Variants in NSMCE2 observed in about 807,000 individuals in gnomAD.
NSMCE2 encodes E3 SUMO-protein ligase NSE2.
In NSMCE2, 24 loss-of-function variants were observed where a neutral mutation model predicts 23.8. The ratio of observed to expected loss-of-function variants is 1.01; its 90% CI spans 0.73 to 1.42. The LOEUF (loss-of-function observed/expected upper bound fraction) is 1.42. Among genes scored for constraint, NSMCE2 ranks in the 40% most tolerant of loss-of-function variants. The pLI is 0.00. For synonymous variants in NSMCE2, 92 were observed against 94.1 expected, an observed-to-expected ratio of 0.98 and a Z score of 0.13; for missense variants, 284 against 296.5, an observed-to-expected ratio of 0.96 and a Z score of 0.31.
chr8:125,345,245 T>C (rs1318076329), intron 5 of NSMCE2, among the ~76,000 whole-genome samples: 1 of 151,890 alleles, frequency 6.6e-6, no homozygotes, highest in East Asian at 1.9e-4. Context: ...GTCTTTCTTT[T>C]TGGTAATTTG....
intron 5 of NSMCE2, among the ~76,000 whole-genome samples, chr8:125,279,957 C>T (rs544663493): frequency 5.3e-5 from 8 of 152,162 alleles, no homozygotes; most frequent in Middle Eastern, 3.2e-3. Context: ...GTGTGAACCA[C>T]GTAACAATGT....
At chr8:125,187,745 T>C (rs1485274239) in intron 5 of NSMCE2, among the ~76,000 whole-genome samples, 2 of 152,122 alleles carry the variant, frequency 1.3e-5, no homozygotes, top group Non-Finnish European at 1.5e-5. Context: ...TTAGAAACTT[T>C]CAAAATATAA....
chr8:125,140,094 A>C (rs1820282293), intron 3 of NSMCE2, among the ~76,000 whole-genome samples: 1 of 152,240 alleles, frequency 6.6e-6, no homozygotes, highest in Non-Finnish European at 1.5e-5. Flanking sequence ...GCATTTGGGA[A>C]TTGGAGATAC....
intron 4 of NSMCE2, among the ~76,000 whole-genome samples, chr8:125,176,236 A>T (rs760185432): frequency 1.3e-5 from 2 of 152,206 alleles, no homozygotes; most frequent in Non-Finnish European, 2.9e-5. Context: ...GCCTTTGCGC[A>T]TATGTCTGCT....
intron 7 of NSMCE2, among the ~76,000 whole-genome samples, chr8:125,359,443 C>T (rs1813434356): frequency 6.7e-6 from 1 of 149,142 alleles, no homozygotes; most frequent in African/African-American, 2.5e-5. Context: ...AAGTGATTCT[C>T]CTGCCTCAGC....
At chr8:125,126,058 C>G (rs1207688028) in intron 3 of NSMCE2, among the ~76,000 whole-genome samples, 1 of 152,098 alleles carries the variant, frequency 6.6e-6, no homozygotes, top group Non-Finnish European at 1.5e-5. Flanking sequence ...GGGTTTTGTT[C>G]ATTATACAAA....
At position 125,102,321 on chromosome 8, in the gene NSMCE2, T is replaced by C; in HGVS notation, c.-10T>C. On this transcript the variant is annotated 5_prime_UTR_variant, in exon 3 of 8. Transcript: ENST00000287437. ...TCATTGTGTTTGAAAACTTAGGTAC[T>C]AATTTCAAGATGCCAGGACGTTCCA... is the stretch of plus-strand genomic sequence containing the variant. 1 of 1,609,194 alleles carries C rather than the reference T, an allele frequency of 6.2e-7. No homozygotes were observed. The highest frequency in any genetic ancestry group is 1.1e-5 in the South Asian group (1 of 90,842).
intron 5 of NSMCE2, among the ~76,000 whole-genome samples, chr8:125,300,688 A>G (rs1257210934): frequency 6.6e-6 from 1 of 152,228 alleles, no homozygotes; most frequent in Non-Finnish European, 1.5e-5. Context: ...GGTGGTCTCA[A>G]TAAAGTTCAG....
At chr8:125,153,964 A>G (rs561146540) in intron 4 of NSMCE2, among the ~76,000 whole-genome samples, 45 of 152,284 alleles carry the variant, frequency 3.0e-4, no homozygotes, top group Non-Finnish European at 5.6e-4. Flanking sequence ...GTCATATAGG[A>G]TTAAGTATAG....
intron 5 of NSMCE2, among the ~76,000 whole-genome samples, chr8:125,266,784 G>T (rs985301963): frequency 1.3e-5 from 2 of 152,070 alleles, no homozygotes; most frequent in African/African-American, 4.8e-5. Context: ...GTGTTTCCTT[G>T]CAATTCAGGC....
chr8:125,247,657 A>G (rs1826043857), intron 5 of NSMCE2, among the ~76,000 whole-genome samples: 1 of 151,834 alleles, frequency 6.6e-6, no homozygotes, highest in Admixed American at 6.6e-5. Flanking sequence ...CCCAGGAGGC[A>G]GAGGTTGCAG....
intron 5 of NSMCE2, among the ~76,000 whole-genome samples, chr8:125,337,755 C>G (rs561518129): frequency 2.6e-5 from 4 of 151,970 alleles, no homozygotes; most frequent in South Asian, 4.1e-4. Flanking sequence ...ATTAGCCGGG[C>G]GTGGTGGCAC....
At chr8:125,224,677 A>G (rs867674367) in intron 5 of NSMCE2, among the ~76,000 whole-genome samples, 1 of 152,284 alleles carries the variant, frequency 6.6e-6, no homozygotes, top group African/African-American at 2.4e-5. Flanking sequence ...TAACAATTTT[A>G]ACTAATATCG....
intron 4 of NSMCE2, among the ~76,000 whole-genome samples, chr8:125,176,908 C>T (rs1822526940): frequency 6.6e-6 from 1 of 152,194 alleles, no homozygotes; most frequent in Non-Finnish European, 1.5e-5. Flanking sequence ...TTGGCCTGCA[C>T]TTATTGTGAG....
At chr8:125,285,992 T>C (rs1340858786) in intron 5 of NSMCE2, among the ~76,000 whole-genome samples, 2 of 151,876 alleles carry the variant, frequency 1.3e-5, no homozygotes, top group Non-Finnish European at 2.9e-5. Context: ...AATCCCATTT[T>C]TACAGCCTCC....
At chr8:125,130,620 C>T (rs2130559692) in intron 3 of NSMCE2, among the ~76,000 whole-genome samples, 1 of 152,242 alleles carries the variant, frequency 6.6e-6, no homozygotes, top group Non-Finnish European at 1.5e-5. Context: ...CTTGCTGCTA[C>T]CAGAAAGTGA....
intron 5 of NSMCE2, among the ~76,000 whole-genome samples, chr8:125,190,943 T>C (rs1281664939): frequency 6.6e-6 from 1 of 152,172 alleles, no homozygotes; most frequent in Non-Finnish European, 1.5e-5. Flanking sequence ...TGATCTCGGC[T>C]CACTGCAACC....
intron 5 of NSMCE2, among the ~76,000 whole-genome samples, chr8:125,260,373 CT>C (rs1826635092): frequency 1.3e-5 from 2 of 152,080 alleles, no homozygotes; most frequent in African/African-American, 4.8e-5. Flanking sequence ...CAAGACAGCA[CT>C]TTAGCTAAAG....
chr8:125,288,787 T>C (rs1473466425), intron 5 of NSMCE2, among the ~76,000 whole-genome samples: 1 of 152,134 alleles, frequency 6.6e-6, no homozygotes, highest in Admixed American at 6.6e-5. Flanking sequence ...AGTCTTTATT[T>C]TTTAAATTTA....
Sources: gnomAD v4.1 joint callset for allele counts (sites outside exome capture counted in the v4.1 genomes callset) on GRCh38, gnomAD v4.1.1 for gene constraint, MANE v1.5 for transcripts, NCBI Gene and HGNC (gene_info 2026-07-23, HGNC 2026-07-21) for gene names.